SEMA3A: variants seen among roughly 807,000 people sequenced by gnomAD.
The protein encoded by SEMA3A is semaphorin 3A.
SEMA3A carries 29 observed loss-of-function variants against 97.9 expected under a neutral mutation model. That is an observed-to-expected ratio of 0.30 (90% CI 0.22 to 0.40). The LOEUF is 0.40. SEMA3A is among the 10% of genes least tolerant of loss of function. The pLI, the probability that SEMA3A is intolerant of heterozygous loss-of-function variation, is 1.00. For missense variants in SEMA3A, 763 were observed against 951.3 expected, an observed-to-expected ratio of 0.80 and a Z score of 2.60; for synonymous variants, 321 against 323.7, an observed-to-expected ratio of 0.99 and a Z score of 0.09.
chr7:84,290,137 G>T (rs1361086876), intron 3 of SEMA3A, among the ~76,000 whole-genome samples: 1 of 152,044 alleles, frequency 6.6e-6, no homozygotes, highest in East Asian at 1.9e-4. Flanking sequence ...GTTTCCTTTA[G>T]GGAAGATGAA....
At chr7:84,094,307 C>T (rs1283188974) in intron 4 of SEMA3A, among the ~76,000 whole-genome samples, 3 of 148,466 alleles carry the variant, frequency 2.0e-5, no homozygotes, top group East Asian at 4.0e-4. Context: ...TTTCTCCCTA[C>T]ATCTAAGATC....
chr7:84,003,224 T>C (rs2116391376), intron 11 of SEMA3A, among the ~76,000 whole-genome samples: 1 of 152,224 alleles, frequency 6.6e-6, no homozygotes, highest in East Asian at 1.9e-4. Flanking sequence ...AAGTACACTT[T>C]TAAGAAGACC....
chr7:84,119,960 GCC>G (rs1795553908), intron 3 of SEMA3A, among the ~76,000 whole-genome samples: 1 of 152,014 alleles, frequency 6.6e-6, no homozygotes, highest in African/African-American at 2.4e-5. Context: ...GTTAACCAAT[GCC>G]AAATATTTTA....
intron 15 of SEMA3A, among the ~76,000 whole-genome samples, chr7:83,973,413 A>AATGGTGT (rs1470650376): frequency 1.3e-5 from 2 of 151,960 alleles, no homozygotes; most frequent in South Asian, 2.1e-4. Context: ...TACATAAAAG[A>AATGGTGT]ATGGTGTATT....
At position 84,054,462 on chromosome 7, in the gene SEMA3A, C is replaced by A. The variant is rs548290087; in HGVS notation, c.547+6003G>T. Among the ~76,000 whole-genome samples, 894 of 152,120 alleles carry A rather than the reference C, an allele frequency of 5.9e-3. 13 individuals carry two copies. Among genetic ancestry groups the A allele is most frequent in the African/African-American group, 0.021 (860 of 41,498 alleles). On this transcript the variant is annotated intron_variant, in intron 5 of 16. Transcript: ENST00000265362. ...TCCCTTCTCGCTTCATTTCATCTTC[C>A]ATCGCTGATACCCTTTCTTCCAGTT...
chr7:84,146,207 G>T lies in SEMA3A; in HGVS notation c.113-11256C>A, dbSNP rs367568698. ...ACACATTAGTTCTCTTAGATGTAAA[G>T]GTTAGCACAATGCCATATGGGTCAA... On this transcript the variant is annotated intron_variant, in intron 1 of 16. Coordinates refer to ENST00000265362, the MANE Select transcript of SEMA3A (RefSeq NM_006080.3). Among the ~76,000 whole-genome samples, 132 of 152,210 alleles carry T rather than the reference G, an allele frequency of 8.7e-4. 6 individuals are homozygous for T. The South Asian group carries it at 0.027, about 31-fold the overall frequency.
At chr7:84,221,430 T>C (rs928182980) in intron 3 of SEMA3A, among the ~76,000 whole-genome samples, 2 of 152,196 alleles carry the variant, frequency 1.3e-5, no homozygotes, top group African/African-American at 4.8e-5. Context: ...ATAACTTGGC[T>C]AGATTTTTGG....
At chr7:84,219,816 A>T (rs982040953) in intron 3 of SEMA3A, among the ~76,000 whole-genome samples, 2 of 152,098 alleles carry the variant, frequency 1.3e-5, no homozygotes, top group Admixed American at 1.3e-4. Flanking sequence ...CTTTTATGTT[A>T]TGAAAATGGC....
At chr7:84,351,259 T>C (rs1802431962) in intron 2 of SEMA3A, among the ~76,000 whole-genome samples, 1 of 152,140 alleles carries the variant, frequency 6.6e-6, no homozygotes, top group African/African-American at 2.4e-5. Flanking sequence ...AACATCCTTT[T>C]CCTCATTTAC....
At chr7:84,235,880 C>T (rs943577228) in intron 3 of SEMA3A, among the ~76,000 whole-genome samples, 5 of 152,072 alleles carry the variant, frequency 3.3e-5, no homozygotes, top group Non-Finnish European at 7.4e-5. Flanking sequence ...TTCACTTGGC[C>T]CCTAAGAACA....
At chr7:84,414,381 A>C (rs1804369111) in intron 1 of SEMA3A, among the ~76,000 whole-genome samples, 1 of 149,404 alleles carries the variant, frequency 6.7e-6, no homozygotes, top group Non-Finnish European at 1.5e-5. Context: ...CATGATAAAT[A>C]ATTGGCTAAA....
intron 1 of SEMA3A, among the ~76,000 whole-genome samples, chr7:84,381,387 T>C (rs1803256108): frequency 6.6e-6 from 1 of 152,196 alleles, no homozygotes; most frequent in Non-Finnish European, 1.5e-5. Context: ...TTGACCTTGT[T>C]GGTCATGGTT....
chr7:84,241,064 A>C (rs191536367), intron 3 of SEMA3A, among the ~76,000 whole-genome samples: 11 of 152,334 alleles, frequency 7.2e-5, no homozygotes, highest in African/African-American at 2.4e-4. Flanking sequence ...TGCAATAAAC[A>C]TACATGTGCT....
At chr7:84,475,145 C>T (rs1002247123) in intron 1 of SEMA3A, among the ~76,000 whole-genome samples, 4 of 152,052 alleles carry the variant, frequency 2.6e-5, no homozygotes, top group Admixed American at 6.6e-5. Context: ...TGGTACAGCC[C>T]ATCTCATACT....
At chr7:84,005,280 C>G (rs192556851) in intron 11 of SEMA3A, 59 bp downstream of exon 11, 1 of 1,229,378 alleles carries the variant, frequency 8.1e-7, no homozygotes, top group East Asian at 2.3e-5. Flanking sequence ...CAAAGATCAA[C>G]TTAATCAGTT....
intron 3 of SEMA3A, among the ~76,000 whole-genome samples, chr7:84,208,627 A>T (rs1289544406): frequency 2.0e-5 from 3 of 152,232 alleles, no homozygotes; most frequent in Non-Finnish European, 4.4e-5. Flanking sequence ...TTTAAAAAGT[A>T]TTTAATTAAG....
At chr7:84,112,095 C>A (rs1795290479) in intron 3 of SEMA3A, among the ~76,000 whole-genome samples, 1 of 152,066 alleles carries the variant, frequency 6.6e-6, no homozygotes, top group Non-Finnish European at 1.5e-5. Context: ...ATGGGCCTTT[C>A]CCAAAGGATT....
chr7:84,377,660 T>A (rs1394056164), intron 1 of SEMA3A, among the ~76,000 whole-genome samples: 1 of 152,170 alleles, frequency 6.6e-6, no homozygotes, highest in African/African-American at 2.4e-5. Flanking sequence ...TTGCCTGAGG[T>A]TGTACAATAT....
At chr7:84,368,718 G>A (rs1802907257) in intron 2 of SEMA3A, among the ~76,000 whole-genome samples, 1 of 150,510 alleles carries the variant, frequency 6.6e-6, no homozygotes, top group Non-Finnish European at 1.5e-5. Context: ...TTCTATATAA[G>A]TAATATATAC....
Sources: allele counts gnomAD v4.1 joint callset (sites outside exome capture counted in the v4.1 genomes callset), GRCh38; gene constraint gnomAD v4.1.1; transcripts MANE v1.5; gene names NCBI Gene and HGNC (gene_info 2026-07-23, HGNC 2026-07-21).